Variants in BARX2 observed in about 807,000 individuals in gnomAD.
BARX2 encodes the protein BARX homeobox 2.
BARX2 carries 11 observed loss-of-function variants against 25.5 expected under a neutral mutation model. The observed-to-expected ratio is 0.43, with a 90% CI of 0.27 to 0.71. The LOEUF (loss-of-function observed/expected upper bound fraction) is 0.71, where lower values mean the gene tolerates loss of function less well. Ranked by LOEUF, BARX2 falls within the 30% of genes least tolerant of loss-of-function variation. The pLI, the probability that BARX2 is intolerant of heterozygous loss-of-function variation, is 0.19. For missense variants in BARX2, 360 were observed against 359.9 expected, an observed-to-expected ratio of 1.00 and a Z score of 0.00; for synonymous variants, 137 against 149.5, an observed-to-expected ratio of 0.92 and a Z score of 0.61.
chr11:129,436,214 CCTCT>C lies in BARX2; in HGVS notation c.188-536_188-533del, dbSNP rs1392313513. ...TTAACCTTCCTGGGGCAATTTACTC[CCTCT>C]GAGATGAGAAAGTTGAATTAAATAA... On this transcript the variant is annotated intron_variant, in intron 1 of 3. Transcript: ENST00000281437. This position sits in a 1 kb window ranked among gnomAD's most constrained non-coding sequence, Gnocchi z 4.5. 1 of 152,496 alleles carries C rather than the reference CCTCT, an allele frequency of 6.6e-6. No individual in the cohort carries two copies. Among genetic ancestry groups the C allele is most frequent in the African/African-American group, 2.4e-5 (1 of 41,470 alleles). 9.4% of individuals were successfully genotyped at this position (152,496 alleles called of 1,614,324 possible).
At chr11:129,396,385 C>A (rs1861721508) in intron 1 of BARX2, among the ~76,000 whole-genome samples, 1 of 151,552 alleles carries the variant, frequency 6.6e-6, no homozygotes, top group Non-Finnish European at 1.5e-5. Flanking sequence ...CACTCCTCCC[C>A]ACTCACCTTT....
chr11:129,412,255 G>C (rs1052959672), intron 1 of BARX2, among the ~76,000 whole-genome samples: 9 of 151,378 alleles, frequency 5.9e-5, no homozygotes, highest in Non-Finnish European at 1.2e-4. Flanking sequence ...CTGGGCTACA[G>C]GGCGAGAATC....
intron 1 of BARX2, among the ~76,000 whole-genome samples, chr11:129,420,081 C>T (rs1197332379): frequency 1.3e-5 from 2 of 152,042 alleles, no homozygotes; most frequent in Non-Finnish European, 2.9e-5. Flanking sequence ...CCACTGCACC[C>T]GGCCTATCAA....
intron 1 of BARX2, among the ~76,000 whole-genome samples, chr11:129,381,138 A>G (rs1024561193): frequency 6.6e-6 from 1 of 152,154 alleles, no homozygotes; most frequent in African/African-American, 2.4e-5. Flanking sequence ...GATTTTTCTC[A>G]AAGCAAATGA....
intron 1 of BARX2, among the ~76,000 whole-genome samples, chr11:129,414,674 G>C (rs1031881912): frequency 2.0e-5 from 3 of 152,200 alleles, no homozygotes; most frequent in Non-Finnish European, 4.4e-5. Context: ...GGGAGAAGCA[G>C]GGAGTGAATC....
At chr11:129,437,652 C>A in intron 2 of BARX2, 1 of 292,452 alleles carries the variant, frequency 3.4e-6, no homozygotes, top group Non-Finnish European at 5.1e-6. Context: ...GTTGGGGAGG[C>A]TGTGACCCTT....
chr11:129,448,022 G>A (rs1168306080), intron 3 of BARX2, among the ~76,000 whole-genome samples: 1 of 152,180 alleles, frequency 6.6e-6, no homozygotes, highest in Non-Finnish European at 1.5e-5. Context: ...CCTCGTTAAA[G>A]GTCCCCTTAA....
intron 1 of BARX2, among the ~76,000 whole-genome samples, chr11:129,395,809 C>T (rs1296658607): frequency 6.6e-6 from 1 of 152,160 alleles, no homozygotes; most frequent in African/African-American, 2.4e-5. Context: ...GTGGATTCAG[C>T]TTCCAGTTCT....
intron 1 of BARX2, among the ~76,000 whole-genome samples, chr11:129,416,091 G>T (rs1352283368): frequency 2.0e-5 from 3 of 152,238 alleles, no homozygotes; most frequent in Admixed American, 6.5e-5. Context: ...GCTGTTCTCT[G>T]TGTGGGCACT....
At chr11:129,378,857 A>AC in intron 1 of BARX2, among the ~76,000 whole-genome samples, 1 of 150,674 alleles carries the variant, frequency 6.6e-6, no homozygotes, top group East Asian at 1.9e-4. Flanking sequence ...AAAAAAAAAA[A>AC]CACTGCATAA....
At chr11:129,381,286 T>C (rs941491213) in intron 1 of BARX2, among the ~76,000 whole-genome samples, 2 of 152,258 alleles carry the variant, frequency 1.3e-5, no homozygotes, top group African/African-American at 4.8e-5. Flanking sequence ...GTCTATTATT[T>C]TGAAACTTAA....
intron 1 of BARX2, among the ~76,000 whole-genome samples, chr11:129,419,807 G>GTC (rs1324277422): frequency 6.6e-6 from 1 of 152,072 alleles, no homozygotes. Flanking sequence ...TTGAGATGGA[G>GTC]TCTCACTCTG....
chr11:129,434,424 A>T (rs1191701112), intron 1 of BARX2, among the ~76,000 whole-genome samples: 4 of 1,186 alleles, frequency 3.4e-3, no homozygotes, highest in African/African-American at 9.4e-3. Flanking sequence ...AAGTAAGTAA[A>T]AAAAAAAAAA....
chr11:129,444,694 C>T (rs1173169246), intron 3 of BARX2, among the ~76,000 whole-genome samples: 6 of 151,944 alleles, frequency 3.9e-5, no homozygotes, highest in African/African-American at 7.2e-5. Context: ...AGAAGGTGGC[C>T]GGGAGAAGTT....
intron 1 of BARX2, among the ~76,000 whole-genome samples, chr11:129,429,865 A>G (rs2135408130): frequency 6.6e-6 from 1 of 152,348 alleles, no homozygotes; most frequent in East Asian, 1.9e-4. Flanking sequence ...TGGATTTCAC[A>G]AAGTATACTC....
intron 1 of BARX2, among the ~76,000 whole-genome samples, chr11:129,407,404 C>G (rs1007655835): frequency 6.6e-6 from 1 of 152,188 alleles, no homozygotes; most frequent in Non-Finnish European, 1.5e-5. Flanking sequence ...GACGTTGTTT[C>G]CAAACCCATC....
intron 1 of BARX2, among the ~76,000 whole-genome samples, chr11:129,383,321 C>T (rs1861586812): frequency 6.6e-6 from 1 of 152,098 alleles, no homozygotes; most frequent in African/African-American, 2.4e-5. Context: ...AATTTAACTT[C>T]TTGAAAGTGG....
chr11:129,448,103 A>G (rs1862352777), intron 3 of BARX2, among the ~76,000 whole-genome samples: 2 of 152,222 alleles, frequency 1.3e-5, no homozygotes, highest in Admixed American at 1.3e-4. Flanking sequence ...GGAGGTGTTT[A>G]CTGAGAACTT....
intron 1 of BARX2, among the ~76,000 whole-genome samples, chr11:129,422,241 C>G (rs558024733): frequency 2.6e-5 from 4 of 152,274 alleles, no homozygotes; most frequent in Non-Finnish European, 4.4e-5. Context: ...CCTGGCTAGA[C>G]CCTACGCTGG....
Sources: allele counts gnomAD v4.1 joint callset (sites outside exome capture counted in the v4.1 genomes callset), GRCh38; gene constraint gnomAD v4.1.1; non-coding constraint Gnocchi (gnomAD v3.1); transcripts MANE v1.5; gene names NCBI Gene and HGNC (gene_info 2026-07-23, HGNC 2026-07-21).